CLSTN2: variants seen among roughly 807,000 people sequenced by gnomAD.
CLSTN2 encodes calsyntenin 2.
A neutral mutation model predicts 101.2 loss-of-function variants in CLSTN2; 48 were observed. That is an observed-to-expected ratio of 0.47 (90% CI 0.38 to 0.60). The LOEUF (loss-of-function observed/expected upper bound fraction) is 0.60, where lower values mean the gene tolerates loss of function less well. Among genes scored for constraint, CLSTN2 ranks in the 20% least tolerant of loss-of-function variants. CLSTN2 has a pLI of 0.00. For missense variants in CLSTN2, 1,160 were observed against 1,238.2 expected (o/e 0.94, Z 0.95); for synonymous variants, 481 against 463.6 (o/e 1.04, Z -0.48).
intron 2 of CLSTN2, among the ~76,000 whole-genome samples, chr3:140,325,634 T>C (rs1559839357): frequency 1.3e-5 from 2 of 152,242 alleles, no homozygotes; most frequent in African/African-American, 4.8e-5. Context: ...GGTATGTTTA[T>C]ACTGGTCCAA....
chr3:140,190,120 T>G (rs1267781337), intron 2 of CLSTN2, among the ~76,000 whole-genome samples: 6 of 152,176 alleles, frequency 3.9e-5, no homozygotes, highest in Admixed American at 1.3e-4. Flanking sequence ...CCCTCATGAC[T>G]TAATGACCTC....
chr3:140,369,654 GA>G, intron 2 of CLSTN2, among the ~76,000 whole-genome samples: 1 of 152,162 alleles, frequency 6.6e-6, no homozygotes, highest in African/African-American at 2.4e-5. Context: ...AATATTAGCC[GA>G]GCCACTTTGG....
In CLSTN2 at chr3:140,074,384, G is replaced by A. The variant is rs538442172; in HGVS notation, c.110-101567G>A. ...TGGAGATGCCCCTCCATTCTGGGCA[G>A]CATGTCGACAACCTGGGTTGGGGGA... On this transcript the variant is annotated intron_variant, in intron 1 of 16. Coordinates refer to ENST00000458420, the MANE Select transcript of CLSTN2 (RefSeq NM_022131.3). 2.0e-5 allele frequency among the ~76,000 whole-genome samples: 3 copies of A among 152,220 alleles called. No homozygotes were observed. In the South Asian group the frequency reaches 6.2e-4, roughly 32 times the overall value.
rs952935941 is a variant in CLSTN2, at chr3:140,193,266, T to G, written c.232+17193T>G. On this transcript the variant is annotated intron_variant, in intron 2 of 16. Transcript: ENST00000458420. The stretch of plus-strand genomic sequence containing the variant: ...CCAAGGTTTCCTTTTTTATAGTTTT[T>G]TTTTTTTTTTTTTTTTTGGTTTTGA... Among the ~76,000 whole-genome samples, 23 of 147,966 alleles carry G rather than the reference T, an allele frequency of 1.6e-4. 1 individual carries two copies. The East Asian group carries it at 1.7e-3, about 11-fold the overall frequency.
intron 1 of CLSTN2, among the ~76,000 whole-genome samples, chr3:139,969,164 A>G (rs73867249): frequency 0.025 from 3,770 of 152,224 alleles, 113 homozygotes; most frequent in African/African-American, 0.072. Context: ...CTGTATACTA[A>G]GGCATGGAGG....
intron 1 of CLSTN2, among the ~76,000 whole-genome samples, chr3:139,988,630 C>A (rs957103748): frequency 6.6e-6 from 1 of 152,100 alleles, no homozygotes; most frequent in Non-Finnish European, 1.5e-5. Context: ...AAGCACTTGC[C>A]ATGGTCTGTG....
intron 2 of CLSTN2, among the ~76,000 whole-genome samples, chr3:140,177,249 C>G (rs1325267128): frequency 6.6e-6 from 1 of 152,144 alleles, no homozygotes; most frequent in East Asian, 1.9e-4. Context: ...CCCAATCACC[C>G]TTAGAAGTCC....
chr3:140,336,237 T>C (rs1045570458), intron 2 of CLSTN2, among the ~76,000 whole-genome samples: 1 of 152,228 alleles, frequency 6.6e-6, no homozygotes, highest in African/African-American at 2.4e-5. Context: ...TTAAACATTT[T>C]ATTTCATGTA....
At chr3:140,109,189 A>T (rs1339408642) in intron 1 of CLSTN2, among the ~76,000 whole-genome samples, 3 of 152,126 alleles carry the variant, frequency 2.0e-5, no homozygotes, top group Non-Finnish European at 4.4e-5. Context: ...GCCCCAATGT[A>T]ACAGGACAAG....
At chr3:140,010,256 A>T (rs1382339112) in intron 1 of CLSTN2, among the ~76,000 whole-genome samples, 1 of 152,152 alleles carries the variant, frequency 6.6e-6, no homozygotes, top group Non-Finnish European at 1.5e-5. Context: ...CCCTGCCATG[A>T]ACTAGGAGGT....
At chr3:140,144,228 G>C (rs1023538031) in intron 1 of CLSTN2, among the ~76,000 whole-genome samples, 3 of 152,204 alleles carry the variant, frequency 2.0e-5, no homozygotes, top group Non-Finnish European at 4.4e-5. Flanking sequence ...TATGACTCCT[G>C]TTAATGTAAA....
At chr3:140,377,022 C>CACAGAGAGAGAGAGAG (rs148236356) in intron 2 of CLSTN2, among the ~76,000 whole-genome samples, 50,160 of 148,394 alleles carry the variant, frequency 0.34, 9,158 homozygotes, top group East Asian at 0.74. Context: ...CACACATACA[C>CACAGAGAGAGAGAGAG]AGAGAGAGAG....
intron 10 of CLSTN2, among the ~76,000 whole-genome samples, chr3:140,552,401 T>TAAA (rs5852986): frequency 5.8e-5 from 8 of 138,822 alleles, no homozygotes; most frequent in South Asian, 2.4e-4. Context: ...TACCGCAGTT[T>TAAA]AAAAAAAAAA....
chr3:140,375,587 T>G (rs1426530757), intron 2 of CLSTN2, among the ~76,000 whole-genome samples: 1 of 152,232 alleles, frequency 6.6e-6, no homozygotes, highest in African/African-American at 2.4e-5. Flanking sequence ...GTTTCTTGTA[T>G]TTTAATTGTT....
At chr3:140,427,234 T>TAC (rs1576561547) in intron 5 of CLSTN2, among the ~76,000 whole-genome samples, 65 of 124,388 alleles carry the variant, frequency 5.2e-4, no homozygotes, top group East Asian at 1.2e-3. Flanking sequence ...TGTGTGTATA[T>TAC]ATATATATAT....
intron 1 of CLSTN2, among the ~76,000 whole-genome samples, chr3:140,057,021 G>A (rs556487583): frequency 7.2e-5 from 11 of 152,090 alleles, no homozygotes; most frequent in South Asian, 2.1e-4. Flanking sequence ...GATTTCTCAC[G>A]CCCTCCCCAC....
In CLSTN2 at chr3:140,122,438, G is replaced by A. The variant is rs183759619; in HGVS notation, c.110-53513G>A. ...TGGTGATAACCACTAATGGAATCAC[G>A]TTAGCTAAATCATGGACTCCTGATT... On this transcript the variant is annotated intron_variant, in intron 1 of 16. Transcript: ENST00000458420. Among the ~76,000 whole-genome samples the A allele has an allele frequency of 5.3e-5, 8 of 152,298 alleles. No homozygotes were observed. The East Asian group carries it at 1.4e-3, about 26-fold the overall frequency.
chr3:140,109,538 A>C (rs994431348), intron 1 of CLSTN2, among the ~76,000 whole-genome samples: 1 of 152,190 alleles, frequency 6.6e-6, no homozygotes. Flanking sequence ...CAGTGGGGTC[A>C]TGGGCTTTTT....
At chr3:140,231,200 ACTAT>A (rs2086368702) in intron 2 of CLSTN2, among the ~76,000 whole-genome samples, 1 of 152,100 alleles carries the variant, frequency 6.6e-6, no homozygotes, top group Non-Finnish European at 1.5e-5. Flanking sequence ...GGGGGCTCCC[ACTAT>A]CTCATCATGT....
Sources: gnomAD v4.1 joint callset for allele counts (sites outside exome capture counted in the v4.1 genomes callset) on GRCh38, gnomAD v4.1.1 for gene constraint, MANE v1.5 for transcripts, NCBI Gene and HGNC (gene_info 2026-07-23, HGNC 2026-07-21) for gene names.